The following HYDIN variants were observed in gnomAD, a reference collection of about 807,000 sequenced individuals.
The protein encoded by HYDIN is HYDIN axonemal central pair apparatus protein, also known as axonemal central pair apparatus protein HYDIN.
In HYDIN, 132 loss-of-function variants were observed where a neutral mutation model predicts 403.9. The observed-to-expected ratio is 0.33, with a 90% CI of 0.28 to 0.38. The LOEUF (loss-of-function observed/expected upper bound fraction) is 0.38, where lower values mean the gene tolerates loss of function less well. HYDIN is among the 10% of genes least tolerant of loss of function. The pLI is 1.00. For synonymous variants in HYDIN, 1,202 were observed against 1,891.7 expected (o/e 0.64, Z 9.46); for missense variants, 2,827 against 5,009.5 (o/e 0.56, Z 13.15).
At chr16:71,156,375 T>A (rs2085767649) in intron 6 of HYDIN, among the ~76,000 whole-genome samples, 1 of 152,178 alleles carries the variant, frequency 6.6e-6, no homozygotes, top group African/African-American at 2.4e-5. Flanking sequence ...GGTTACACAT[T>A]GTCTATAATT....
intron 83 of HYDIN, among the ~76,000 whole-genome samples, chr16:70,822,847 A>T (rs2036355974): frequency 6.7e-6 from 1 of 150,368 alleles, no homozygotes; most frequent in African/African-American, 2.5e-5. Context: ...TTACTTTTAA[A>T]GACCTAATGT....
chr16:70,976,963 A>G (rs891253052), intron 30 of HYDIN, among the ~76,000 whole-genome samples: 4 of 151,992 alleles, frequency 2.6e-5, no homozygotes, highest in African/African-American at 9.7e-5. Flanking sequence ...CAGCCTTCCC[A>G]GTTGTCTGGA....
intron 13 of HYDIN, among the ~76,000 whole-genome samples, chr16:71,071,078 G>A (rs2082453863): frequency 6.7e-6 from 1 of 149,328 alleles, no homozygotes; most frequent in Non-Finnish European, 1.5e-5. Flanking sequence ...TAATGACTCT[G>A]GAAACTGTAG....
rs757458263 is a variant in HYDIN, at chr16:70,959,674, T to C, written c.6115A>G (p.Ile2039Val). Residue 2039 changes from isoleucine (I) to valine (V), a missense_variant, in exon 39 of 86, where the codon ATT becomes GTT. Transcript: ENST00000393567. ...RLAKNRKGIAIIIHGTPLSGK... is the reference protein window; with the variant it reads ...RLAKNRKGIAVIIHGTPLSGK... ...GACAAGGGTGTCCCATGAATGATAA[T>C]GGCGATGCCTTTCCGGTTCTTGGCC... 9 of 1,328,042 alleles carry C rather than the reference T, an allele frequency of 6.8e-6. 2 individuals carry two copies. Among genetic ancestry groups the C allele is most frequent in the Non-Finnish European group, 7.9e-6 (8 of 1,013,162 alleles). 82.3% of individuals were successfully genotyped at this position (1,328,042 alleles called of 1,614,324 possible).
At chr16:70,810,481 T>C (rs955818313) in intron 84 of HYDIN, among the ~76,000 whole-genome samples, 11 of 152,200 alleles carry the variant, frequency 7.2e-5, no homozygotes, top group Non-Finnish European at 1.5e-4. Context: ...GAAGATTAGT[T>C]AAACAAATTA....
intron 23 of HYDIN, among the ~76,000 whole-genome samples, chr16:71,002,102 C>G (rs1749607646): frequency 6.6e-6 from 1 of 152,208 alleles, no homozygotes; most frequent in Non-Finnish European, 1.5e-5. Context: ...GACTGATCAT[C>G]TGCAGGTGGT....
chr16:71,100,742 C>T (rs952783558), intron 10 of HYDIN, among the ~76,000 whole-genome samples: 3 of 151,754 alleles, frequency 2.0e-5, no homozygotes, highest in African/African-American at 7.3e-5. Context: ...ATTCTCACTC[C>T]TGAATCTAAA....
In HYDIN at chr16:70,863,178, C is replaced by A. The variant is rs559637459; in HGVS notation, c.11476G>T (p.Asp3826Tyr). ...LVYQTRVFEF[D>Y]VINSGRVQLE... The stretch of plus-strand genomic sequence containing the variant: ...TGGACACGTCCTGAATTAATCACAT[C>A]GAACCTGCAAATCGATCAGGGAGCA... The change falls in exon 68 of 86, where the codon GAT (aspartate) becomes TAT (tyrosine). Residue 3826 changes from aspartate (D) to tyrosine (Y), a missense_variant. Asp to Tyr is a radical substitution (Grantham distance 160). Transcript: ENST00000393567. 1.9e-6 allele frequency: 3 copies of A among 1,612,988 alleles called. No homozygotes were observed. The highest frequency in any genetic ancestry group is 1.1e-5 in the South Asian group (1 of 90,834).
intron 10 of HYDIN, among the ~76,000 whole-genome samples, chr16:71,106,396 G>C (rs2083617599): frequency 6.6e-6 from 1 of 152,132 alleles, no homozygotes; most frequent in African/African-American, 2.4e-5. Context: ...TCCCAAGCCT[G>C]AGCTGTGTAC....
At chr16:70,895,856 T>G in intron 54 of HYDIN, 125 bp downstream of exon 54, 2 of 1,408,714 alleles carry the variant, frequency 1.4e-6, no homozygotes, top group East Asian at 2.4e-5. Flanking sequence ...ACATTATTAT[T>G]TATTAAAATT....
At chr16:70,913,449 T>G (rs1428960250) in intron 47 of HYDIN, among the ~76,000 whole-genome samples, 3 of 151,112 alleles carry the variant, frequency 2.0e-5, no homozygotes, top group African/African-American at 7.3e-5. Context: ...AGGTTCCTTC[T>G]GGAGTTGATT....
chr16:71,197,249 T>A (rs1338427611), intron 1 of HYDIN, among the ~76,000 whole-genome samples: 2 of 152,206 alleles, frequency 1.3e-5, no homozygotes, highest in Non-Finnish European at 2.9e-5. Context: ...CTTAAAATAG[T>A]ACAGTATCTA....
At chr16:70,930,245 CCGAGGTGGG>C (rs2077277014) in intron 45 of HYDIN, among the ~76,000 whole-genome samples, 1 of 152,278 alleles carries the variant, frequency 6.6e-6, no homozygotes, top group Non-Finnish European at 1.5e-5. Flanking sequence ...CTTTCAGAGG[CCGAGGTGGG>C]AGGGTCACCT....
intron 54 of HYDIN, among the ~76,000 whole-genome samples, chr16:70,894,997 C>T (rs1030328282): frequency 2.0e-5 from 3 of 152,196 alleles, no homozygotes; most frequent in African/African-American, 7.2e-5. Flanking sequence ...TGATATTATT[C>T]CTACAATACT....
chr16:71,028,303 A>C (rs1226163123), intron 19 of HYDIN, among the ~76,000 whole-genome samples: 1 of 152,126 alleles, frequency 6.6e-6, no homozygotes, highest in Non-Finnish European at 1.5e-5. Flanking sequence ...GGAAGCTTTG[A>C]AGAAAAACCA....
At chr16:70,985,533 T>C (rs1428549426) in intron 27 of HYDIN, among the ~76,000 whole-genome samples, 1 of 152,168 alleles carries the variant, frequency 6.6e-6, no homozygotes, top group Non-Finnish European at 1.5e-5. Context: ...TCAGTTTAGG[T>C]ATGGCTGTGG....
chr16:71,067,197 G>A lies in HYDIN; in HGVS notation c.2075+93C>T. ...CAGGAAGGCAGGACAAACTCAGTGT[G>A]CTTGGGTTGGCAGGCCAGCTGCCTT... On this transcript the variant is annotated intron_variant, in intron 15 of 85. Transcript: ENST00000393567. 6.3e-6 allele frequency: 4 copies of A among 634,268 alleles called. No individual in the cohort carries two copies. The South Asian group carries it at 7.7e-5, about 12-fold the overall frequency. The allele number at this position is 634,268 out of a possible 1,614,324, so 39.3% of individuals were successfully genotyped here. A position where few individuals can be genotyped will look rare whatever the true frequency, so the allele number is the denominator to read the frequency against.
intron 3 of HYDIN, among the ~76,000 whole-genome samples, chr16:71,181,468 C>T (rs1249703632): frequency 6.6e-6 from 1 of 152,082 alleles, no homozygotes; most frequent in East Asian, 1.9e-4. Context: ...AATATATGGT[C>T]ACTTGATTTA....
intron 83 of HYDIN, among the ~76,000 whole-genome samples, chr16:70,820,285 G>A (rs2036167716): frequency 6.9e-6 from 1 of 144,214 alleles, no homozygotes; most frequent in African/African-American, 2.6e-5. Flanking sequence ...CCCCCTCCTG[G>A]TTTCATGTCA....
Sources: gnomAD v4.1 joint callset for allele counts (sites outside exome capture counted in the v4.1 genomes callset) on GRCh38, gnomAD v4.1.1 for gene constraint, MANE v1.5 for transcripts, NCBI Gene and HGNC (gene_info 2026-07-23, HGNC 2026-07-21) for gene names.